The following NFIB variants were observed in gnomAD, a reference collection of about 807,000 sequenced individuals.
NFIB encodes nuclear factor 1 B-type.
A neutral mutation model predicts 61.5 loss-of-function variants in NFIB; 11 were observed. The ratio of observed to expected loss-of-function variants is 0.18; its 90% confidence interval spans 0.11 to 0.30. The LOEUF (loss-of-function observed/expected upper bound fraction) is 0.30. Ranked by LOEUF, NFIB falls within the 10% of genes least tolerant of loss-of-function variation. The pLI is 1.00. For missense variants in NFIB, 471 were observed against 608.9 expected (o/e 0.77, Z 2.38); for synonymous variants, 260 against 216.5 (o/e 1.20, Z -1.76).
intron 2 of NFIB, among the ~76,000 whole-genome samples, chr9:14,230,706 C>T (rs1158652703): frequency 4.6e-5 from 7 of 152,118 alleles, no homozygotes; most frequent in Admixed American, 4.6e-4. Context: ...AAAAAAGTAG[C>T]ACTTTTTGAC....
chr9:14,122,010 A>G (rs1049382018), intron 7 of NFIB, among the ~76,000 whole-genome samples: 3 of 152,314 alleles, frequency 2.0e-5, no homozygotes, highest in African/African-American at 7.2e-5. Flanking sequence ...TGAAAAGTAA[A>G]TGTCTTTCTA....
chr9:14,530,987 T>G, the NFIB span, among the ~76,000 whole-genome samples: 1 of 152,212 alleles, frequency 6.6e-6, no homozygotes, highest in East Asian at 1.9e-4. Context: ...AATAGTCATA[T>G]GAAATGCTTG....
the NFIB span, among the ~76,000 whole-genome samples, chr9:14,441,707 C>T: frequency 6.6e-6 from 1 of 152,028 alleles, no homozygotes; most frequent in African/African-American, 2.4e-5. Flanking sequence ...GGGCCTCCTC[C>T]AGTGGTGAGT....
chr9:14,302,777 T>A (rs993431431), intron 2 of NFIB, among the ~76,000 whole-genome samples: 4 of 152,098 alleles, frequency 2.6e-5, no homozygotes, highest in Non-Finnish European at 5.9e-5. Flanking sequence ...CCTTCCTTTT[T>A]TCCCCTTCAG....
intron 10 of NFIB, among the ~76,000 whole-genome samples, chr9:14,098,451 T>G (rs2035220532): frequency 6.6e-6 from 1 of 150,786 alleles, no homozygotes; most frequent in Non-Finnish European, 1.5e-5. Context: ...TTCAGCTTTC[T>G]TTTTCATTCA....
At position 14,084,897 on chromosome 9, in the gene NFIB, C is replaced by T. The variant is rs1363524227; in HGVS notation, c.*3412G>A. 3 of 230,544 alleles carry T rather than the reference C, an allele frequency of 1.3e-5. No individual in the cohort carries two copies. The highest frequency in any genetic ancestry group is 6.6e-5 in the African/African-American group (3 of 45,132). The allele number at this position is 230,544 out of a possible 1,614,324, so 14.3% of individuals were successfully genotyped here. On this transcript the variant is annotated 3_prime_UTR_variant, in exon 11 of 11. Coordinates refer to ENST00000380953, the MANE Select transcript of NFIB (RefSeq NM_001190737.2). The stretch of plus-strand genomic sequence containing the variant: ...TAAAAAAAGCAACACTTGAACTAGG[C>T]CTTTGTATTCAAGAGGCAGGCAGGA...
chr9:14,323,014 A>G (rs777839046), intron 1 of NFIB, among the ~76,000 whole-genome samples: 9 of 152,290 alleles, frequency 5.9e-5, no homozygotes, highest in Non-Finnish European at 1.3e-4. Context: ...CAATAATGAT[A>G]AAGAATAAGG....
At chr9:14,154,487 A>G (rs2043176984) in intron 4 of NFIB, among the ~76,000 whole-genome samples, 1 of 152,106 alleles carries the variant, frequency 6.6e-6, no homozygotes, top group Non-Finnish European at 1.5e-5. Flanking sequence ...AAAAGTGAAA[A>G]CTTTCAAATG....
At chr9:14,223,535 T>A (rs1175956749) in intron 2 of NFIB, among the ~76,000 whole-genome samples, 1 of 152,156 alleles carries the variant, frequency 6.6e-6, no homozygotes, top group Non-Finnish European at 1.5e-5. Flanking sequence ...TAGAAACCAC[T>A]AATTATTTAA....
chr9:14,313,616 C>T lies in NFIB; in HGVS notation c.-105G>A. ...AGTCATCTGAGCCCCGCGATGCGAT[C>T]AATCAGGACGGGGCTCTGCGCTGGA... is the stretch of plus-strand genomic sequence containing the variant. On this transcript the variant is annotated 5_prime_UTR_variant, in exon 1 of 11. Coordinates refer to ENST00000380953, the MANE Select transcript of NFIB (RefSeq NM_001190737.2). This position sits in a 1 kb window ranked among gnomAD's most constrained non-coding sequence, Gnocchi z 4.5. The T allele has an allele frequency of 1.3e-6, 2 of 1,599,212 alleles. No homozygotes were observed. The highest frequency in any genetic ancestry group is 1.7e-6 in the Non-Finnish European group (2 of 1,172,752).
the NFIB span, among the ~76,000 whole-genome samples, chr9:14,446,749 A>T: frequency 1.3e-5 from 2 of 152,188 alleles, no homozygotes; most frequent in Non-Finnish European, 2.9e-5. Context: ...ACGTATTATT[A>T]TGTAATTTTA....
chr9:14,410,778 G>A, the NFIB span, among the ~76,000 whole-genome samples: 1 of 152,114 alleles, frequency 6.6e-6, no homozygotes, highest in Non-Finnish European at 1.5e-5. Context: ...CCTGTGCTCT[G>A]GGGTCTACAG....
chr9:14,266,083 G>A (rs983925803), intron 2 of NFIB, among the ~76,000 whole-genome samples: 4 of 152,066 alleles, frequency 2.6e-5, no homozygotes, highest in Non-Finnish European at 5.9e-5. Flanking sequence ...TTCCTCTCCC[G>A]TACTCACTCA....
At chr9:14,363,435 C>T (rs181199515) in intron 1 of NFIB, among the ~76,000 whole-genome samples, 24 of 152,206 alleles carry the variant, frequency 1.6e-4, no homozygotes, top group African/African-American at 5.3e-4. Context: ...TTTGGTTAAG[C>T]GGTATCATTG....
At chr9:14,206,252 C>T (rs1328914953) in intron 2 of NFIB, among the ~76,000 whole-genome samples, 21 of 151,102 alleles carry the variant, frequency 1.4e-4, no homozygotes, top group East Asian at 1.9e-4. Flanking sequence ...TCGGCTCACT[C>T]GCAACCTCCG....
the NFIB span, among the ~76,000 whole-genome samples, chr9:14,491,979 T>C: frequency 1.3e-5 from 2 of 152,208 alleles, no homozygotes; most frequent in Admixed American, 1.3e-4. Context: ...TGTTACCACA[T>C]TTAAGTTATT....
At chr9:14,305,738 A>G (rs2059984653) in intron 2 of NFIB, 1 of 252,722 alleles carries the variant, frequency 4.0e-6, no homozygotes, top group Admixed American at 5.5e-5. Flanking sequence ...TTCAGAGTCA[A>G]AAAAGTAATT....
intron 2 of NFIB, 148 bp downstream of exon 2, chr9:14,306,841 T>C (rs775853667): frequency 2.7e-5 from 24 of 882,760 alleles, no homozygotes; most frequent in Non-Finnish European, 4.1e-5. Flanking sequence ...AGCGGACATG[T>C]GAGTGAAAGC....
At chr9:14,260,776 C>G (rs1223338914) in intron 2 of NFIB, among the ~76,000 whole-genome samples, 3 of 152,168 alleles carry the variant, frequency 2.0e-5, no homozygotes, top group African/African-American at 7.2e-5. Context: ...ATACTGGGTT[C>G]AGGCAAGGCA....
Sources: allele counts gnomAD v4.1 joint callset (sites outside exome capture counted in the v4.1 genomes callset), GRCh38; gene constraint gnomAD v4.1.1; non-coding constraint Gnocchi (gnomAD v3.1); transcripts MANE v1.5; gene names NCBI Gene and HGNC (gene_info 2026-07-23, HGNC 2026-07-21).